HIVEP2: variants seen among roughly 807,000 people sequenced by gnomAD.
HIVEP2 encodes transcription factor HIVEP2.
HIVEP2 carries 14 observed loss-of-function variants against 180.7 expected under a neutral mutation model. The observed-to-expected ratio is 0.08, with a 90% confidence interval of 0.05 to 0.12. The LOEUF is 0.12. Ranked by LOEUF, HIVEP2 falls within the 10% of genes least tolerant of loss-of-function variation. The pLI is 1.00. For synonymous variants in HIVEP2, 1,184 were observed against 1,136.4 expected, an observed-to-expected ratio of 1.04 and a Z score of -0.84; for missense variants, 2,579 against 3,008.5, an observed-to-expected ratio of 0.86 and a Z score of 3.34.
intron 1 of HIVEP2, among the ~76,000 whole-genome samples, chr6:142,901,086 C>T (rs1419897701): frequency 6.6e-6 from 1 of 152,098 alleles, no homozygotes; most frequent in Non-Finnish European, 1.5e-5. Context: ...TATTTTTTTA[C>T]TCCTTATAAA....
intron 1 of HIVEP2, among the ~76,000 whole-genome samples, chr6:142,862,659 A>T (rs1776022378): frequency 7.0e-6 from 1 of 143,426 alleles, no homozygotes; most frequent in African/African-American, 2.5e-5. Flanking sequence ...TATTGCATAT[A>T]TTATATATTG....
chr6:142,838,429 T>C (rs1458129918), intron 1 of HIVEP2, among the ~76,000 whole-genome samples: 1 of 152,266 alleles, frequency 6.6e-6, no homozygotes, highest in South Asian at 2.1e-4. Flanking sequence ...AAAATTACAC[T>C]GAATCAACAA....
At chr6:142,829,998 A>G (rs114865137) in intron 2 of HIVEP2, among the ~76,000 whole-genome samples, 1,608 of 152,352 alleles carry the variant, frequency 0.011, 19 homozygotes, top group Middle Eastern at 0.037. Context: ...CAGTATCATT[A>G]TATACTCTTA....
chr6:142,790,318 C>T (rs1240577084), intron 2 of HIVEP2, among the ~76,000 whole-genome samples: 1 of 152,056 alleles, frequency 6.6e-6, no homozygotes, highest in South Asian at 2.1e-4. Flanking sequence ...TCTTTTTTTG[C>T]TCTCTCTTTT....
At chr6:142,779,272 A>T (rs1775781193) in intron 3 of HIVEP2, among the ~76,000 whole-genome samples, 1 of 152,166 alleles carries the variant, frequency 6.6e-6, no homozygotes, top group South Asian at 2.1e-4. Flanking sequence ...AAAATCAGGT[A>T]TGTATCATTT....
At chr6:142,882,958 C>T (rs1253808643) in intron 1 of HIVEP2, among the ~76,000 whole-genome samples, 4 of 152,076 alleles carry the variant, frequency 2.6e-5, no homozygotes, top group Admixed American at 2.0e-4. Flanking sequence ...AAACTAACCA[C>T]CCATACTACA....
At chr6:142,804,448 G>A (rs918569731) in intron 2 of HIVEP2, among the ~76,000 whole-genome samples, 2 of 152,062 alleles carry the variant, frequency 1.3e-5, no homozygotes, top group African/African-American at 2.4e-5. Flanking sequence ...AGGTAATGAA[G>A]ATGTGTAAAG....
chr6:142,789,662 T>A (rs1341672306), intron 2 of HIVEP2, among the ~76,000 whole-genome samples: 1 of 152,238 alleles, frequency 6.6e-6, no homozygotes, highest in Admixed American at 6.5e-5. Flanking sequence ...AGCTTAGGTC[T>A]TTAAACTGTC....
At chr6:142,839,151 G>A (rs1055849888) in intron 1 of HIVEP2, among the ~76,000 whole-genome samples, 1 of 152,080 alleles carries the variant, frequency 6.6e-6, no homozygotes, top group African/African-American at 2.4e-5. Flanking sequence ...TGTGCAACAG[G>A]TAAGCCTCGC....
In HIVEP2 at chr6:142,769,931, C is replaced by A; in HGVS notation, c.4808G>T (p.Arg1603Leu). 6.2e-7 allele frequency: 1 copy of A among 1,614,022 alleles called. No homozygotes were observed. Among genetic ancestry groups the A allele is most frequent in the Admixed American group, 1.7e-5 (1 of 60,028 alleles). Residue 1603 changes from arginine to leucine, a missense_variant, in exon 5 of 10, where the codon CGG becomes CTG. Transcript: ENST00000367603. ...CATGCGGACCAGCATGCCAACAGGC[C>A]GCTTGTGGCCCTTCCCTTCCTCTTC... ...QLEEEGKGHK[R>L]PVGMLVRMAS...
At chr6:142,940,216 A>C (rs1424749365) in intron 1 of HIVEP2, among the ~76,000 whole-genome samples, 1 of 152,246 alleles carries the variant, frequency 6.6e-6, no homozygotes, top group African/African-American at 2.4e-5. Context: ...AATTGAATCA[A>C]TGATGCTGGC....
chr6:142,780,435 G>A (rs1420004830), intron 3 of HIVEP2, among the ~76,000 whole-genome samples: 1 of 152,194 alleles, frequency 6.6e-6, no homozygotes, highest in Non-Finnish European at 1.5e-5. Context: ...GTTTGAGGAT[G>A]TCTTTTTCTC....
intron 1 of HIVEP2, among the ~76,000 whole-genome samples, chr6:142,860,680 A>G (rs1386384061): frequency 6.6e-6 from 1 of 152,156 alleles, no homozygotes; most frequent in African/African-American, 2.4e-5. Context: ...CTTCTGTGAG[A>G]ATCTCATGCC....
intron 1 of HIVEP2, among the ~76,000 whole-genome samples, chr6:142,939,108 T>G (rs1042256281): frequency 5.9e-5 from 9 of 152,218 alleles, no homozygotes; most frequent in Non-Finnish European, 1.3e-4. Flanking sequence ...TATATTAGGT[T>G]AAAATAATAA....
intron 1 of HIVEP2, among the ~76,000 whole-genome samples, chr6:142,903,358 A>C (rs912984962): frequency 6.6e-6 from 1 of 152,240 alleles, no homozygotes; most frequent in African/African-American, 2.4e-5. Flanking sequence ...AAATAAACAT[A>C]GTACTTCACT....
rs1224485508 is a variant in HIVEP2, at chr6:142,772,843, G to T, written c.1896C>A (p.Asp632Glu). The T allele has an allele frequency of 3.1e-6, 5 of 1,614,052 alleles. No homozygotes were observed. Among genetic ancestry groups the T allele is most frequent in the African/African-American group, 1.3e-5 (1 of 74,906 alleles). The change falls in exon 5 of 10, where the codon GAC becomes GAA. Residue 632 changes from aspartate (D) to glutamate (E), a missense_variant. Asp to Glu is a conservative substitution (Grantham distance 45). Transcript: ENST00000367603. The surrounding 1 kb of genome is among the most constrained non-coding windows in gnomAD (Gnocchi z 4.9). ...SLKEKKLSPG[D>E]RVGYDYDVCR... is the part of the protein sequence containing the mutation. Reference sequence around the variant, plus strand: ...AGACATCATAGTCATACCCAACCCTGTCCCCAGGAGACAATTTCTTTTCCT... The same window carrying T: ...AGACATCATAGTCATACCCAACCCTTTCCCCAGGAGACAATTTCTTTTCCT...
intron 2 of HIVEP2, among the ~76,000 whole-genome samples, chr6:142,801,081 T>C (rs1776394302): frequency 6.6e-6 from 1 of 150,984 alleles, no homozygotes; most frequent in Admixed American, 6.6e-5. Context: ...GGGTAGCCCA[T>C]GTGATGGCTC....
At chr6:142,934,449 G>A (rs1778006628) in intron 1 of HIVEP2, among the ~76,000 whole-genome samples, 1 of 152,124 alleles carries the variant, frequency 6.6e-6, no homozygotes, top group African/African-American at 2.4e-5. Flanking sequence ...AGGCTCTAAT[G>A]AGCACAGCCT....
intron 1 of HIVEP2, among the ~76,000 whole-genome samples, chr6:142,841,442 T>TTG (rs149688723): frequency 0.15 from 22,987 of 151,626 alleles, 3,173 homozygotes; most frequent in African/African-American, 0.38. Context: ...CACATGAACT[T>TTG]TGTGTGTGTG....
Sources: gnomAD v4.1 joint callset for allele counts (sites outside exome capture counted in the v4.1 genomes callset) on GRCh38, gnomAD v4.1.1 for gene constraint, Gnocchi (gnomAD v3.1) non-coding constraint, MANE v1.5 for transcripts, NCBI Gene and HGNC (gene_info 2026-07-23, HGNC 2026-07-21) for gene names.